NFILZ: variants seen among roughly 807,000 people sequenced by gnomAD.
NFILZ encodes NFIL3 like protein.
chr19:8,633,607 A>G (rs2042880367), intron 2 of NFILZ, among the ~76,000 whole-genome samples: 1 of 152,102 alleles, frequency 6.6e-6, no homozygotes, highest in African/African-American at 2.4e-5. Flanking sequence ...GGCTCTTGGA[A>G]GTGCACCTGC....
At chr19:8,647,652 A>C (rs575879893) in intron 3 of NFILZ, among the ~76,000 whole-genome samples, 88 of 150,856 alleles carry the variant, frequency 5.8e-4, no homozygotes, top group African/African-American at 1.7e-3. Flanking sequence ...CATCATTCTC[A>C]GCAACCTAAA....
intron 3 of NFILZ, among the ~76,000 whole-genome samples, chr19:8,655,207 G>A (rs1204824975): frequency 3.9e-5 from 6 of 152,214 alleles, no homozygotes; most frequent in African/African-American, 1.4e-4. Context: ...GGGAGCCATA[G>A]AGGGTGTTTG....
Position 8,661,583 on chromosome 19 carries a change from T to C in NFILZ, c.-163-12968T>C, listed in dbSNP as rs191471360. ...CATCATACTCCACAAATATCTGCAA[T>C]TATTATTTGTCAATTAAAAATAAGA... On this transcript the variant is annotated intron_variant, in intron 3 of 5. Coordinates refer to ENST00000691075, the MANE Select transcript of NFILZ (RefSeq NM_001378600.1). Among the ~76,000 whole-genome samples, 33 of 152,294 alleles carry C rather than the reference T, an allele frequency of 2.2e-4. 1 individual carries two copies. The highest frequency in any genetic ancestry group is 7.9e-4 in the African/African-American group (33 of 41,564).
At chr19:8,645,740 G>A (rs367981663) in intron 3 of NFILZ, among the ~76,000 whole-genome samples, 11 of 152,124 alleles carry the variant, frequency 7.2e-5, no homozygotes, top group African/African-American at 1.7e-4. Context: ...GGATTGGGGC[G>A]TTAGCTGCAA....
chr19:8,657,338 G>A (rs1051471723), intron 3 of NFILZ, among the ~76,000 whole-genome samples: 3 of 151,740 alleles, frequency 2.0e-5, no homozygotes, highest in African/African-American at 7.3e-5. Flanking sequence ...TCCTGACCTC[G>A]TGATCCACCC....
intron 1 of NFILZ, among the ~76,000 whole-genome samples, chr19:8,631,059 C>G (rs1169575764): frequency 6.6e-6 from 1 of 152,210 alleles, no homozygotes; most frequent in African/African-American, 2.4e-5. Context: ...CTGTGCTTTG[C>G]ACAGCTTTCT....
At chr19:8,657,531 G>C (rs1555748638) in intron 3 of NFILZ, among the ~76,000 whole-genome samples, 1 of 152,076 alleles carries the variant, frequency 6.6e-6, no homozygotes, top group Non-Finnish European at 1.5e-5. Flanking sequence ...GGGAGTATTT[G>C]TTGCAGGCAA....
chr19:8,649,395 A>G (rs1349501666), intron 3 of NFILZ, among the ~76,000 whole-genome samples: 1 of 151,968 alleles, frequency 6.6e-6, no homozygotes, highest in Non-Finnish European at 1.5e-5. Context: ...CCTCCTGAGT[A>G]GCTGGGATTA....
intron 3 of NFILZ, among the ~76,000 whole-genome samples, chr19:8,667,004 C>T (rs954297880): frequency 7.3e-5 from 11 of 151,452 alleles, no homozygotes; most frequent in Admixed American, 5.3e-4. Flanking sequence ...CCTGCCTCGG[C>T]CTCCCAAAGT....
Position 8,679,612 on chromosome 19 carries a change from C to G in NFILZ, c.*1977C>G, listed in dbSNP as rs1555751216. On this transcript the variant is annotated 3_prime_UTR_variant, in exon 6 of 6. Coordinates refer to ENST00000691075, the MANE Select transcript of NFILZ (RefSeq NM_001378600.1). ...AAACAGGCCAAGAGCTCCCCTGTGA[C>G]TGGGCATCCCTAGAATCCTGCACAT... Among the ~76,000 whole-genome samples the G allele has an allele frequency of 1.3e-5, 2 of 152,102 alleles. No homozygotes were observed. The highest frequency in any genetic ancestry group is 2.9e-5 in the Non-Finnish European group (2 of 68,008).
chr19:8,673,097 C>T (rs1290223932), intron 3 of NFILZ, among the ~76,000 whole-genome samples: 1 of 151,758 alleles, frequency 6.6e-6, no homozygotes, highest in Admixed American at 6.6e-5. Context: ...ATGAATGGGG[C>T]CAGGGGAGAA....
At chr19:8,659,663 G>A (rs1208790552) in intron 3 of NFILZ, among the ~76,000 whole-genome samples, 2 of 152,206 alleles carry the variant, frequency 1.3e-5, no homozygotes, top group African/African-American at 2.4e-5. Context: ...TAGTGTCTGT[G>A]AAGTGCTTAG....
Position 8,679,427 on chromosome 19 carries a change from A to G in NFILZ, c.*1792A>G, listed in dbSNP as rs2043135133. Among the ~76,000 whole-genome samples, 1 of 152,054 alleles carries G rather than the reference A, an allele frequency of 6.6e-6. No homozygotes were observed. The highest frequency in any genetic ancestry group is 1.5e-5 in the Non-Finnish European group (1 of 68,008). On this transcript the variant is annotated 3_prime_UTR_variant, in exon 6 of 6. Transcript: ENST00000691075. ...ACTGAGAACCAGATGCCCCTGGCCAACTGGATCACTTGGACTCAGGAGCAT... is the reference window on the plus strand; with the variant it reads ...ACTGAGAACCAGATGCCCCTGGCCAGCTGGATCACTTGGACTCAGGAGCAT...
rs1461583058 is a variant in NFILZ, at chr19:8,632,485, C to T, written c.-401C>T. Reference sequence around the variant, plus strand: ...ATAAAACTGGTTGCAGTAAAGAAGCCGGCCCAAACCCATCAAGACCAAGAT... The same window carrying T: ...ATAAAACTGGTTGCAGTAAAGAAGCTGGCCCAAACCCATCAAGACCAAGAT... On this transcript the variant is annotated 5_prime_UTR_variant, in exon 2 of 6. Transcript: ENST00000691075. 3.9e-5 allele frequency: 6 copies of T among 152,002 alleles called. No individual in the cohort carries two copies. The highest frequency in any genetic ancestry group is 2.1e-4 in the South Asian group (1 of 4,820). The allele number at this position is 152,002 out of a possible 1,614,324, so 9.4% of individuals were successfully genotyped here. A position where few individuals can be genotyped will look rare whatever the true frequency, so the allele number is the denominator to read the frequency against.
rs74758741 is a variant in NFILZ, at chr19:8,642,904, C to T, written c.-164+7158C>T. ...CCAATCTGTCACACATGTTTGCTGG[C>T]GAGTGGTTGGGTGTTGAATCGTCAG... On this transcript the variant is annotated intron_variant, in intron 3 of 5. Transcript: ENST00000691075. 5.1e-3 allele frequency among the ~76,000 whole-genome samples: 768 copies of T among 150,664 alleles called. 8 individuals are homozygous for T. The highest frequency in any genetic ancestry group is 0.018 in the African/African-American group (720 of 40,896).
At chr19:8,633,492 G>T (rs1600136836) in intron 2 of NFILZ, among the ~76,000 whole-genome samples, 1 of 152,300 alleles carries the variant, frequency 6.6e-6, no homozygotes, top group East Asian at 1.9e-4. Flanking sequence ...AGCTGAGGCT[G>T]CACAGGGAAG....
At chr19:8,663,561 A>AGGGGTGGAACTGCCATGAACTGAGATG (rs2043042633) in intron 3 of NFILZ, among the ~76,000 whole-genome samples, 1 of 136,930 alleles carries the variant, frequency 7.3e-6, no homozygotes, top group Non-Finnish European at 1.5e-5. Context: ...GCTGGTGGTG[A>AGGGGTGGAACTGCCATGAACTGAGATG]GGCACATCAC....
intron 3 of NFILZ, among the ~76,000 whole-genome samples, chr19:8,637,885 C>T (rs1317313349): frequency 5.0e-5 from 4 of 79,842 alleles, no homozygotes; most frequent in Non-Finnish European, 7.0e-5. Flanking sequence ...ACAGCCTGGG[C>T]GACAAGAGCA....
intron 3 of NFILZ, among the ~76,000 whole-genome samples, chr19:8,641,812 G>T (rs562901772): frequency 6.7e-6 from 1 of 149,832 alleles, no homozygotes; most frequent in South Asian, 2.1e-4. Context: ...TAGAACCAAT[G>T]CCTTAATAAA....
Sources: gnomAD v4.1 joint callset for allele counts (sites outside exome capture counted in the v4.1 genomes callset) on GRCh38, gnomAD v4.1.1 for gene constraint, MANE v1.5 for transcripts, NCBI Gene and HGNC (gene_info 2026-07-23, HGNC 2026-07-21) for gene names.